PPP1R12A: variants seen among roughly 807,000 people sequenced by gnomAD.
PPP1R12A encodes protein phosphatase 1 regulatory subunit 12A.
PPP1R12A carries 19 observed loss-of-function variants against 139.6 expected under a neutral mutation model. That is an observed-to-expected ratio of 0.14 (90% CI 0.09 to 0.20). The LOEUF is 0.20. PPP1R12A is among the 10% of genes least tolerant of loss of function. The pLI, the probability that PPP1R12A is intolerant of heterozygous loss-of-function variation, is 1.00. For synonymous variants in PPP1R12A, 427 were observed against 420.6 expected (o/e 1.02, Z -0.19); for missense variants, 925 against 1,211.5 (o/e 0.76, Z 3.51).
chr12:79,923,869 CCA>C (rs1453099174), intron 1 of PPP1R12A, among the ~76,000 whole-genome samples: 1 of 151,862 alleles, frequency 6.6e-6, no homozygotes, highest in African/African-American at 2.4e-5. Flanking sequence ...ATGGTGAAAC[CCA>C]GTCTCTACTA....
intron 2 of PPP1R12A, among the ~76,000 whole-genome samples, chr12:79,849,717 G>GCTTA (rs1592711802): frequency 6.6e-6 from 1 of 152,150 alleles, no homozygotes; most frequent in East Asian, 1.9e-4. Context: ...GTGCTTCAGG[G>GCTTA]TAAAGAAAAT....
rs1473199508 is a variant in PPP1R12A, at chr12:79,872,913, A to G, written c.263T>C (p.Met88Thr). Residue 88 changes from methionine (M) to threonine (T), a missense_variant, in exon 2 of 25, where the codon ATG becomes ACG. Around this residue, in one of 4 missense-constraint regions of PPP1R12A, gnomAD observed 199 missense variants for 352.4 expected, o/e 0.56. Transcript: ENST00000450142. Reference sequence around the variant, plus strand: ...TCCATTTTCTACCAGAAACTTCACCATATCAACATTGTCATCAATGCAAGC... The same window carrying G: ...TCCATTTTCTACCAGAAACTTCACCGTATCAACATTGTCATCAATGCAAGC... ...HQACIDDNVD[M>T]VKFLVENGAN... 24 of 1,613,252 alleles carry G rather than the reference A, an allele frequency of 1.5e-5. No homozygotes were observed. The highest frequency in any genetic ancestry group is 2.0e-5 in the Non-Finnish European group (24 of 1,179,676).
chr12:79,906,286 A>G (rs551724125), intron 1 of PPP1R12A, among the ~76,000 whole-genome samples: 4 of 152,294 alleles, frequency 2.6e-5, no homozygotes, highest in East Asian at 3.9e-4. Context: ...GTATAGTACA[A>G]TCACAAGAAT....
intron 2 of PPP1R12A, among the ~76,000 whole-genome samples, chr12:79,849,542 A>G (rs1004319934): frequency 5.9e-5 from 9 of 152,232 alleles, no homozygotes; most frequent in African/African-American, 2.2e-4. Context: ...GGGTATTAGA[A>G]GCTACTTGTG....
In PPP1R12A at chr12:79,775,728, A is replaced by C. The variant is rs1053970715; in HGVS notation, c.*201T>G. 9 of 391,196 alleles carry C rather than the reference A, an allele frequency of 2.3e-5. No individual in the cohort carries two copies. The highest frequency in any genetic ancestry group is 3.9e-4 in the Middle Eastern group (1 of 2,564). 24.2% of individuals were successfully genotyped at this position (391,196 alleles called of 1,614,324 possible). On this transcript the variant is annotated 3_prime_UTR_variant, in exon 25 of 25. Transcript: ENST00000450142. ...ACAATGGTCTTGATTAAAAAAAAAAAACAAAAAACAAACCAACAACAACAA... is the reference window on the plus strand; with the variant it reads ...ACAATGGTCTTGATTAAAAAAAAAACACAAAAAACAAACCAACAACAACAA...
At chr12:79,789,794 T>G in intron 20 of PPP1R12A, 1 of 371,622 alleles carries the variant, frequency 2.7e-6, no homozygotes, top group South Asian at 2.1e-5. Context: ...TTTTTTTTTT[T>G]TAAAGACACA....
intron 14 of PPP1R12A, among the ~76,000 whole-genome samples, chr12:79,805,230 GATA>G (rs1280491326): frequency 6.6e-6 from 1 of 152,126 alleles, no homozygotes; most frequent in Non-Finnish European, 1.5e-5. Flanking sequence ...TGAGAAGAAT[GATA>G]AAACCTGTTT....
chr12:79,927,182 C>A (rs563841358), intron 1 of PPP1R12A, among the ~76,000 whole-genome samples: 16 of 152,088 alleles, frequency 1.1e-4, no homozygotes, highest in Non-Finnish European at 2.4e-4. Context: ...AGTCTGTCAC[C>A]CTGTCTCAAA....
rs116159917 is a variant in PPP1R12A, at chr12:79,861,579, G to A, written c.368+11229C>T. ...TAGCCAAGGGAAGCCGTGAGTGACC[G>A]TACCTGGAGGAGCAGTATACTCCTG... On this transcript the variant is annotated intron_variant, in intron 2 of 24. Transcript: ENST00000450142. 1.9e-3 allele frequency among the ~76,000 whole-genome samples: 291 copies of A among 152,236 alleles called. 3 individuals are homozygous for A. Among genetic ancestry groups the A allele is most frequent in the African/African-American group, 6.6e-3 (275 of 41,546 alleles).
chr12:79,866,545 A>T (rs903669289), intron 2 of PPP1R12A, among the ~76,000 whole-genome samples: 1 of 152,238 alleles, frequency 6.6e-6, no homozygotes, highest in Non-Finnish European at 1.5e-5. Context: ...AACCTACAGA[A>T]TCGGAGAAAA....
chr12:79,910,560 CT>C (rs1886488344), intron 1 of PPP1R12A, among the ~76,000 whole-genome samples: 1 of 139,332 alleles, frequency 7.2e-6, no homozygotes, highest in East Asian at 2.1e-4. Context: ...AAAAAAAAAA[CT>C]TTTCCAATCT....
intron 1 of PPP1R12A, among the ~76,000 whole-genome samples, chr12:79,889,174 G>A (rs1315601181): frequency 1.3e-5 from 2 of 152,192 alleles, no homozygotes; most frequent in Non-Finnish European, 2.9e-5. Flanking sequence ...TTTTGTGTGT[G>A]TGTATTTGTT....
intron 3 of PPP1R12A, among the ~76,000 whole-genome samples, chr12:79,841,614 A>T (rs1296136858): frequency 6.6e-6 from 1 of 152,228 alleles, no homozygotes; most frequent in African/African-American, 2.4e-5. Context: ...AGAAATTTTC[A>T]GTACAACTCC....
intron 1 of PPP1R12A, among the ~76,000 whole-genome samples, chr12:79,881,506 G>C (rs1883634120): frequency 1.3e-5 from 2 of 152,174 alleles, no homozygotes. Flanking sequence ...GCCCAAGAGA[G>C]GTGAGGAAGC....
chr12:79,814,164 T>A (rs984336892), intron 9 of PPP1R12A, among the ~76,000 whole-genome samples: 1 of 152,098 alleles, frequency 6.6e-6, no homozygotes, highest in Non-Finnish European at 1.5e-5. Context: ...GTTTTAAAAG[T>A]CATACAGTAT....
At chr12:79,846,849 G>A (rs532384306) in intron 2 of PPP1R12A, among the ~76,000 whole-genome samples, 8 of 151,646 alleles carry the variant, frequency 5.3e-5, no homozygotes, top group Middle Eastern at 3.4e-3. Flanking sequence ...TCCTTCTTCC[G>A]GCATCACACT....
At chr12:79,918,657 C>T (rs1225815429) in intron 1 of PPP1R12A, among the ~76,000 whole-genome samples, 3 of 152,144 alleles carry the variant, frequency 2.0e-5, no homozygotes, top group South Asian at 4.1e-4. Context: ...ACCCTCCTGC[C>T]GCTAAGCTAG....
intron 1 of PPP1R12A, among the ~76,000 whole-genome samples, chr12:79,920,399 C>G (rs115515022): frequency 1.3e-5 from 2 of 152,148 alleles, no homozygotes; most frequent in South Asian, 4.1e-4. Context: ...CTGGGTCATA[C>G]GGTAACTCTG....
chr12:79,821,724 G>A (rs1876130598), intron 6 of PPP1R12A, among the ~76,000 whole-genome samples: 2 of 150,322 alleles, frequency 1.3e-5, no homozygotes, highest in South Asian at 4.2e-4. Flanking sequence ...CTGTACTCTA[G>A]CCTGGGACAG....
Sources: allele counts gnomAD v4.1 joint callset (sites outside exome capture counted in the v4.1 genomes callset), GRCh38; gene constraint gnomAD v4.1.1; regional missense constraint gnomAD v4.1.1; transcripts MANE v1.5; gene names NCBI Gene and HGNC (gene_info 2026-07-23, HGNC 2026-07-21).